Variants in MRPS25 observed in about 807,000 individuals in gnomAD.
The protein encoded by MRPS25 is mitochondrial ribosomal protein S25.
In MRPS25, 15 loss-of-function variants were observed where a neutral mutation model predicts 17.3. The observed-to-expected ratio is 0.87, with a 90% CI of 0.58 to 1.34. The LOEUF (loss-of-function observed/expected upper bound fraction) is 1.34. MRPS25 is among the 40% of genes most tolerant of loss of function. MRPS25 has a pLI of 0.00. For missense variants in MRPS25, 225 were observed against 218.6 expected (o/e 1.03, Z -0.19); for synonymous variants, 94 against 83.3 (o/e 1.13, Z -0.70).
rs2042591231 is a variant in MRPS25 at position 15,050,748 on chromosome 3, C to T, written c.*1693G>A. 1 of 985,468 alleles carries T rather than the reference C, an allele frequency of 1.0e-6. No homozygotes were observed. The highest frequency in any genetic ancestry group is 1.2e-6 in the Non-Finnish European group (1 of 829,942). 61.0% of individuals were successfully genotyped at this position (985,468 alleles called of 1,614,324 possible). A position where few individuals can be genotyped will look rare whatever the true frequency, so the allele number is the denominator to read the frequency against. On this transcript the variant is annotated 3_prime_UTR_variant, in exon 4 of 4. Transcript: ENST00000253686. ...ACTCAAGGAACACCTGTCCATTATA[C>T]ATCAGTCTCTGCCCACCTTCCCCTC...
chr3:15,065,029 C>G (rs1208221947), intron 1 of MRPS25, 32 bp downstream of exon 1: 1 of 1,546,362 alleles, frequency 6.5e-7, no homozygotes, highest in Admixed American at 2.0e-5. Flanking sequence ...TAGCAGGTTA[C>G]GGCTCGCCAG....
rs1275151917 is a variant in MRPS25, at chr3:15,048,826, C to G, written c.*3615G>C. 1 of 152,620 alleles carries G rather than the reference C, an allele frequency of 6.6e-6. No individual in the cohort carries two copies. Among genetic ancestry groups the G allele is most frequent in the Non-Finnish European group, 1.5e-5 (1 of 68,034 alleles). The allele number at this position is 152,620 out of a possible 1,614,324, so 9.5% of individuals were successfully genotyped here. A position where few individuals can be genotyped will look rare whatever the true frequency, so the allele number is the denominator to read the frequency against. On this transcript the variant is annotated 3_prime_UTR_variant, in exon 4 of 4. Transcript: ENST00000253686. The stretch of plus-strand genomic sequence containing the variant: ...GTTTTTACCTGTAGTTTGGACTTCT[C>G]TGTTAGAATGTAACTGCATTACCAG...
In MRPS25 at chr3:15,059,430, A is replaced by C; in HGVS notation, c.180T>G (p.Pro60=). 6.2e-7 allele frequency: 1 copy of C among 1,613,886 alleles called. No homozygotes were observed. Among genetic ancestry groups the C allele is most frequent in the South Asian group, 1.1e-5 (1 of 91,048 alleles). ...TCTTAAACATCATGATCTGCACCCA[A>C]GGGTTTTTGTATTGAATCTGAGGTA... ...FNIPQIQYKN[P]WVQIMMFKNM... is the part of the protein sequence containing the mutation. The change falls in exon 2 of 4, where the codon CCT becomes CCG. Residue 60 remains proline (P), a synonymous_variant. Transcript: ENST00000253686.
At chr3:15,044,342 C>T (rs1434413514), downstream of MRPS25, 3 of 152,182 alleles carry the variant, frequency 2.0e-5, no homozygotes, top group Non-Finnish European at 2.9e-5. Context: ...GCCGACCACC[C>T]CGGAGCATTT....
In MRPS25 at chr3:15,050,093, A is replaced by T. The variant is rs1313293848; in HGVS notation, c.*2348T>A. 1 of 1,409,486 alleles carries T rather than the reference A, an allele frequency of 7.1e-7. No homozygotes were observed. Among genetic ancestry groups the T allele is most frequent in the Non-Finnish European group, 9.1e-7 (1 of 1,095,570 alleles). The allele number at this position is 1,409,486 out of a possible 1,614,324, so 87.3% of individuals were successfully genotyped here. On this transcript the variant is annotated 3_prime_UTR_variant, in exon 4 of 4. Coordinates refer to ENST00000253686, the MANE Select transcript of MRPS25 (RefSeq NM_022497.5). ...TTTAAACCCATCTTTCATCACTACT[A>T]AACAAAATAGGGAAAGACAAAGGTT...
Position 15,065,083 on chromosome 3 carries a change from C to CA in MRPS25, c.111dup (p.Gly38TrpfsTer31), listed in dbSNP as rs766873586. The CA allele has an allele frequency of 3.1e-6, 5 of 1,602,922 alleles. No homozygotes were observed. Among genetic ancestry groups the CA allele is most frequent in the Non-Finnish European group, 4.3e-6 (5 of 1,175,594 alleles). Reference sequence around the variant, plus strand: ...GACCTGGCGCCCTCGCCCAGCTCCCCATGCGTGTTGTAATTCACTGTCATG... The same window carrying CA: ...GACCTGGCGCCCTCGCCCAGCTCCCCAATGCGTGTTGTAATTCACTGTCATG... On this transcript the variant is annotated frameshift_variant, in exon 1 of 4. Coordinates refer to ENST00000253686, the MANE Select transcript of MRPS25 (RefSeq NM_022497.5). LOFTEE classifies it high-confidence loss of function.
At chr3:15,042,797 A>C (rs2042315646), downstream of MRPS25, 1 of 1,597,408 alleles carries the variant, frequency 6.3e-7, no homozygotes, top group Non-Finnish European at 8.5e-7. Flanking sequence ...GAAGGGCATC[A>C]AACAGTCTCC....
At chr3:15,048,023 T>C (rs1028212612), downstream of MRPS25, 2 of 152,612 alleles carry the variant, frequency 1.3e-5, no homozygotes, top group South Asian at 2.1e-4. Flanking sequence ...TAGTTGCTCA[T>C]AGACCTGGGA....
Position 15,059,460 on chromosome 3 carries a change from G to C in MRPS25, c.150C>G (p.Phe50Leu). 1 of 1,612,184 alleles carries C rather than the reference G, an allele frequency of 6.2e-7. No individual in the cohort carries two copies. Among genetic ancestry groups the C allele is most frequent in the African/African-American group, 1.3e-5 (1 of 74,976 alleles). ...TTTTGTATTGAATCTGAGGTATGTT[G>C]AAAAACACAAACTTCCTGCAAAAGG... is the stretch of plus-strand genomic sequence containing the variant. ...LGEGARKFVFFNIPQIQYKNP... is the reference protein window; with the variant it reads ...LGEGARKFVFLNIPQIQYKNP... Residue 50 changes from phenylalanine to leucine, a missense_variant, in exon 2 of 4, where the codon TTC (phenylalanine) becomes TTG (leucine). By Grantham distance (22) the Phe-to-Leu change is conservative. Coordinates refer to ENST00000253686, the MANE Select transcript of MRPS25 (RefSeq NM_022497.5).
chr3:15,064,355 G>A (rs192306363), intron 1 of MRPS25, among the ~76,000 whole-genome samples: 284 of 152,248 alleles, frequency 1.9e-3, no homozygotes, highest in African/African-American at 6.3e-3. Flanking sequence ...TCTGCTCCAA[G>A]CTGAAAGACA....
At chr3:15,055,916 T>A (rs1302222521) in intron 2 of MRPS25, among the ~76,000 whole-genome samples, 3 of 145,250 alleles carry the variant, frequency 2.1e-5, no homozygotes, top group South Asian at 2.2e-4. Flanking sequence ...TTTTTTTTTT[T>A]AATGGAAAAG....
At chr3:15,052,981 C>T (rs147002823) in intron 3 of MRPS25, among the ~76,000 whole-genome samples, 9 of 152,264 alleles carry the variant, frequency 5.9e-5, no homozygotes, top group Non-Finnish European at 1.0e-4. Context: ...TTTCAGCTTC[C>T]GTCCCTTTCT....
At chr3:15,060,700 G>A (rs2042740987) in intron 1 of MRPS25, among the ~76,000 whole-genome samples, 1 of 152,010 alleles carries the variant, frequency 6.6e-6, no homozygotes, top group Non-Finnish European at 1.5e-5. Context: ...GGCTAACACG[G>A]TGAAATGCCG....
Position 15,052,436 on chromosome 3 carries a change from G to A in MRPS25, c.*5C>T. ...CATCACCCCAGCCCACAGTGACCGT[G>A]GGCCTTAGTCCTGGGCATCGGCTTT... is the stretch of plus-strand genomic sequence containing the variant. On this transcript the variant is annotated 3_prime_UTR_variant, in exon 4 of 4. Transcript: ENST00000253686. 6.2e-7 allele frequency: 1 copy of A among 1,609,912 alleles called. No individual in the cohort carries two copies.
In MRPS25 at chr3:15,049,972, C is replaced by T. The variant is rs1484847131; in HGVS notation, c.*2469G>A. On this transcript the variant is annotated 3_prime_UTR_variant, in exon 4 of 4. Transcript: ENST00000253686. ...GAAAAGTGGTCACTTCAGAATAAGGCTGTGAACACTGCTTGTGCAAGTAAA... is the reference window on the plus strand; with the variant it reads ...GAAAAGTGGTCACTTCAGAATAAGGTTGTGAACACTGCTTGTGCAAGTAAA... 1 of 1,500,008 alleles carries T rather than the reference C, an allele frequency of 6.7e-7. No homozygotes were observed. Among genetic ancestry groups the T allele is most frequent in the Non-Finnish European group, 8.8e-7 (1 of 1,136,160 alleles). The allele number at this position is 1,500,008 out of a possible 1,614,324, so 92.9% of individuals were successfully genotyped here. A position where few individuals can be genotyped will look rare whatever the true frequency, so the allele number is the denominator to read the frequency against.
chr3:15,052,108 C>G lies in MRPS25; in HGVS notation c.*333G>C, dbSNP rs531228799. On this transcript the variant is annotated 3_prime_UTR_variant, in exon 4 of 4. Coordinates refer to ENST00000253686, the MANE Select transcript of MRPS25 (RefSeq NM_022497.5). ...CGGAGACCAGTAAAGGGTCGCAGGA[C>G]CAAAACAGGTGTCAACAGGCTGTGG... 1.9e-6 allele frequency: 2 copies of G among 1,057,400 alleles called. No individual in the cohort carries two copies. Among genetic ancestry groups the G allele is most frequent in the South Asian group, 8.1e-5 (2 of 24,646 alleles). 65.5% of individuals were successfully genotyped at this position (1,057,400 alleles called of 1,614,324 possible).
At chr3:15,054,107 T>G (rs1299544993) in intron 2 of MRPS25, among the ~76,000 whole-genome samples, 1 of 151,698 alleles carries the variant, frequency 6.6e-6, no homozygotes, top group Admixed American at 6.6e-5. Context: ...ATACAAAAAA[T>G]TAGCTGGGAG....
rs2042616200 is a variant in MRPS25 at position 15,052,351 on chromosome 3, G to A, written c.*90C>T. 1 of 1,526,132 alleles carries A rather than the reference G, an allele frequency of 6.6e-7. No homozygotes were observed. The highest frequency in any genetic ancestry group is 8.8e-7 in the Non-Finnish European group (1 of 1,137,544). 94.5% of individuals were successfully genotyped at this position (1,526,132 alleles called of 1,614,324 possible). A position where few individuals can be genotyped will look rare whatever the true frequency, so the allele number is the denominator to read the frequency against. On this transcript the variant is annotated 3_prime_UTR_variant, in exon 4 of 4. Transcript: ENST00000253686. ...AGGATTTCCAGAGTCTCCAGGGACAGAACCAGGGGCTTCCCTGGGCCAAAG... is the reference window on the plus strand; with the variant it reads ...AGGATTTCCAGAGTCTCCAGGGACAAAACCAGGGGCTTCCCTGGGCCAAAG...
chr3:15,044,777 C>T (rs1189543581), downstream of MRPS25: 1 of 152,220 alleles, frequency 6.6e-6, no homozygotes, highest in Admixed American at 6.5e-5. Context: ...CCCTGTGGTG[C>T]CACATTGGAC....
Sources: allele counts gnomAD v4.1 joint callset (sites outside exome capture counted in the v4.1 genomes callset), GRCh38; gene constraint gnomAD v4.1.1; transcripts MANE v1.5; gene names NCBI Gene and HGNC (gene_info 2026-07-23, HGNC 2026-07-21).